Variants in ZHX3 observed in about 807,000 individuals in gnomAD.
The protein encoded by ZHX3 is zinc fingers and homeoboxes 3.
In ZHX3, 20 loss-of-function variants were observed where a neutral mutation model predicts 64.5. The observed-to-expected ratio is 0.31, with a 90% CI of 0.22 to 0.45. The LOEUF is 0.45. Among genes scored for constraint, ZHX3 ranks in the 20% least tolerant of loss-of-function variants. The pLI is 1.00. For missense variants in ZHX3, 1,041 were observed against 1,195.8 expected (o/e 0.87, Z 1.91); for synonymous variants, 423 against 461.6 (o/e 0.92, Z 1.07).
intron 2 of ZHX3, among the ~76,000 whole-genome samples, chr20:41,255,056 A>G (rs2042172505): frequency 6.6e-6 from 1 of 152,152 alleles, no homozygotes; most frequent in Non-Finnish European, 1.5e-5. Context: ...GTTAAAGGAC[A>G]TGGTATAGCC....
chr20:41,197,329 AT>A (rs1342909882), intron 3 of ZHX3, among the ~76,000 whole-genome samples: 3 of 145,962 alleles, frequency 2.1e-5, no homozygotes, highest in African/African-American at 5.0e-5. Context: ...ATACATATAT[AT>A]TTTATATATA....
chr20:41,276,384 T>A (rs2043381821), intron 1 of ZHX3, among the ~76,000 whole-genome samples: 1 of 152,202 alleles, frequency 6.6e-6, no homozygotes, highest in Non-Finnish European at 1.5e-5. Flanking sequence ...TTGGGAAATT[T>A]GCTGCAAGGC....
chr20:41,309,426 T>C (rs1221002734), intron 1 of ZHX3, among the ~76,000 whole-genome samples: 1 of 152,212 alleles, frequency 6.6e-6, no homozygotes, highest in East Asian at 1.9e-4. Context: ...CTAAAGACTG[T>C]AGTTCAGTGG....
At chr20:41,254,439 G>A (rs2042136875) in intron 2 of ZHX3, 1 of 152,144 alleles carries the variant, frequency 6.6e-6, no homozygotes, top group South Asian at 2.1e-4. Context: ...CACACAGTTG[G>A]TGTTTGAGAA....
intron 1 of ZHX3, among the ~76,000 whole-genome samples, chr20:41,285,919 C>A (rs928829684): frequency 6.6e-6 from 1 of 152,110 alleles, no homozygotes; most frequent in African/African-American, 2.4e-5. Context: ...ATGCCTAGTA[C>A]AGAGTAAATG....
In ZHX3 at chr20:41,310,994, G is replaced by C. The variant is rs6093466; in HGVS notation, c.-245+6515C>G. ...AAGCTAATTTTTTGTATTTTTAGTA[G>C]AGACAGGGTTTCACCATGTTGGCCA... On this transcript the variant is annotated intron_variant, in intron 1 of 3. Transcript: ENST00000683867. Among the ~76,000 whole-genome samples the C allele has an allele frequency of 4.5e-3, 687 of 152,052 alleles. 8 individuals carry two copies. Among genetic ancestry groups the C allele is most frequent in the African/African-American group, 0.015 (624 of 41,458 alleles).
At chr20:41,234,455 C>T (rs2040828625) in intron 2 of ZHX3, among the ~76,000 whole-genome samples, 1 of 152,114 alleles carries the variant, frequency 6.6e-6, no homozygotes, top group Non-Finnish European at 1.5e-5. Context: ...TCATGTTTTC[C>T]TATCTCTCCA....
chr20:41,279,425 T>TA (rs1173160357), intron 1 of ZHX3, among the ~76,000 whole-genome samples: 1 of 152,100 alleles, frequency 6.6e-6, no homozygotes. Flanking sequence ...ATTTTTTTTT[T>TA]AACTAACAGA....
intron 1 of ZHX3, among the ~76,000 whole-genome samples, chr20:41,307,539 C>A (rs1277220481): frequency 6.6e-6 from 1 of 152,172 alleles, no homozygotes; most frequent in Non-Finnish European, 1.5e-5. Context: ...CCATAAAAGC[C>A]CTTCTCCACC....
intron 2 of ZHX3, among the ~76,000 whole-genome samples, chr20:41,262,198 T>C (rs568098335): frequency 3.3e-5 from 5 of 152,312 alleles, no homozygotes; most frequent in African/African-American, 1.2e-4. Flanking sequence ...GCTTAACTGA[T>C]TTCCCTCCCT....
chr20:41,262,416 G>A (rs1320619506), intron 2 of ZHX3, among the ~76,000 whole-genome samples: 1 of 152,122 alleles, frequency 6.6e-6, no homozygotes. Context: ...CAAGAACAGG[G>A]TGATGTACCT....
intron 2 of ZHX3, among the ~76,000 whole-genome samples, chr20:41,223,633 C>A (rs955422222): frequency 3.3e-5 from 5 of 152,134 alleles, no homozygotes; most frequent in Non-Finnish European, 7.4e-5. Context: ...TAGTGTTTGC[C>A]CCTGGCGAGG....
At chr20:41,284,978 C>T (rs1568943380) in intron 1 of ZHX3, among the ~76,000 whole-genome samples, 1 of 152,150 alleles carries the variant, frequency 6.6e-6, no homozygotes, top group Admixed American at 6.5e-5. Flanking sequence ...ACTTCCTCTC[C>T]CATCCCTTGA....
intron 2 of ZHX3, among the ~76,000 whole-genome samples, chr20:41,227,861 C>T (rs1240976130): frequency 6.6e-6 from 1 of 152,150 alleles, no homozygotes; most frequent in Non-Finnish European, 1.5e-5. Flanking sequence ...AGTGGTATTA[C>T]TTGAGACACC....
rs1476007276 is a variant in ZHX3, at chr20:41,178,585, G to C, written c.*6606C>G. The C allele has an allele frequency of 4.6e-5, 7 of 152,662 alleles. No individual in the cohort carries two copies. The highest frequency in any genetic ancestry group is 8.8e-5 in the Non-Finnish European group (6 of 68,034). The allele number at this position is 152,662 out of a possible 1,614,324, so 9.5% of individuals were successfully genotyped here. ...TCCACAGATACAAAATCTAGGAAAT[G>C]TGCAATTTGCATCTTAGAAATAGCA... On this transcript the variant is annotated 3_prime_UTR_variant, in exon 4 of 4. Transcript: ENST00000683867.
intron 2 of ZHX3, among the ~76,000 whole-genome samples, chr20:41,264,516 G>A (rs1414912069): frequency 5.7e-5 from 8 of 140,742 alleles, no homozygotes; most frequent in African/African-American, 1.9e-4. Flanking sequence ...CCAAGATCAC[G>A]CCACTGCACT....
intron 2 of ZHX3, among the ~76,000 whole-genome samples, chr20:41,243,149 T>C (rs1324300385): frequency 6.6e-6 from 1 of 152,082 alleles, no homozygotes; most frequent in African/African-American, 2.4e-5. Context: ...CTCTATAAAA[T>C]AATGGGGAGT....
At chr20:41,221,652 G>C (rs752285016) in intron 2 of ZHX3, among the ~76,000 whole-genome samples, 4 of 152,212 alleles carry the variant, frequency 2.6e-5, no homozygotes, top group Non-Finnish European at 4.4e-5. Flanking sequence ...AAAGGCTGAA[G>C]AAATGTGGAG....
chr20:41,215,427 T>C (rs1409107542), intron 2 of ZHX3, among the ~76,000 whole-genome samples: 1 of 152,164 alleles, frequency 6.6e-6, no homozygotes, highest in Admixed American at 6.5e-5. Context: ...AGTATACATA[T>C]GTGAGTTTTT....
Sources: allele counts gnomAD v4.1 joint callset (sites outside exome capture counted in the v4.1 genomes callset), GRCh38; gene constraint gnomAD v4.1.1; transcripts MANE v1.5; gene names NCBI Gene and HGNC (gene_info 2026-07-23, HGNC 2026-07-21).